Variants in AKAP19 observed in about 807,000 individuals in gnomAD.
AKAP19 encodes small A-kinase anchoring protein.
At chr2:189,945,359 C>T in the AKAP19 span, among the ~76,000 whole-genome samples, 1 of 152,166 alleles carries the variant, frequency 6.6e-6, no homozygotes, top group Admixed American at 6.5e-5. Flanking sequence ...GAATTGGTGC[C>T]TTCTGCCAAG....
At chr2:189,930,722 C>T in the AKAP19 span, 81 of 612,368 alleles carry the variant, frequency 1.3e-4, 1 homozygote, top group South Asian at 1.6e-3. Flanking sequence ...TAAACAAAGT[C>T]CATCATACAG....
At chr2:189,936,628 CAA>C in the AKAP19 span, among the ~76,000 whole-genome samples, 1 of 151,422 alleles carries the variant, frequency 6.6e-6, no homozygotes, top group East Asian at 1.9e-4. Context: ...GATAAAGAAA[CAA>C]ATGTCCACAA....
chr2:190,034,665 C>A, the AKAP19 span, among the ~76,000 whole-genome samples: 1 of 149,940 alleles, frequency 6.7e-6, no homozygotes, highest in Non-Finnish European at 1.5e-5. Context: ...GCCAACATGA[C>A]GAAACCCCAT....
At chr2:189,889,347 T>C in the AKAP19 span, among the ~76,000 whole-genome samples, 8 of 152,356 alleles carry the variant, frequency 5.3e-5, no homozygotes, top group African/African-American at 7.2e-5. Context: ...AGTATTTTAT[T>C]GAGGATTTTC....
the AKAP19 span, chr2:190,200,272 C>A: frequency 3.9e-6 from 3 of 764,120 alleles, no homozygotes; most frequent in Non-Finnish European, 6.5e-6. Flanking sequence ...ACGATAATGT[C>A]ACTATTATAA....
chr2:190,197,306 G>T, the AKAP19 span, among the ~76,000 whole-genome samples: 4 of 152,114 alleles, frequency 2.6e-5, no homozygotes, highest in African/African-American at 9.7e-5. This position sits in a 1 kb window ranked among gnomAD's most constrained non-coding sequence, Gnocchi z 4.0. Context: ...AACTAAATAC[G>T]AAAGTGTTCA....
At chr2:190,201,293 G>C in the AKAP19 span, 1 of 166,708 alleles carries the variant, frequency 6.0e-6, no homozygotes, top group Non-Finnish European at 1.5e-5. Flanking sequence ...TGTTTTAAAG[G>C]ATTAAGTACT....
chr2:190,084,154 A>G, the AKAP19 span, among the ~76,000 whole-genome samples: 173 of 142,224 alleles, frequency 1.2e-3, no homozygotes, highest in African/African-American at 4.2e-3. Context: ...GTGCAGTGGC[A>G]TGGTCTCTGC....
the AKAP19 span, among the ~76,000 whole-genome samples, chr2:190,146,587 A>G: frequency 1.3e-5 from 2 of 152,168 alleles, no homozygotes; most frequent in East Asian, 3.8e-4. Flanking sequence ...ACTCTTTTCC[A>G]TAGCAGCTGT....
the AKAP19 span, chr2:190,062,418 A>G: frequency 6.2e-7 from 1 of 1,613,466 alleles, no homozygotes; most frequent in Non-Finnish European, 8.5e-7. Context: ...TTTACTGAGG[A>G]TTTGTATCTT....
the AKAP19 span, among the ~76,000 whole-genome samples, chr2:190,125,799 A>C: frequency 6.6e-6 from 1 of 152,124 alleles, no homozygotes; most frequent in East Asian, 1.9e-4. Flanking sequence ...CACCATACTT[A>C]ATTAGGTTTT....
At chr2:189,964,309 T>G in the AKAP19 span, among the ~76,000 whole-genome samples, 1 of 152,218 alleles carries the variant, frequency 6.6e-6, no homozygotes, top group Non-Finnish European at 1.5e-5. Flanking sequence ...ACAGATGTAC[T>G]GTTATCAAGG....
chr2:190,053,872 A>C, the AKAP19 span, among the ~76,000 whole-genome samples: 1 of 152,296 alleles, frequency 6.6e-6, no homozygotes, highest in East Asian at 1.9e-4. Context: ...ATATTAACAC[A>C]TAGAATTTTA....
At chr2:190,082,747 T>C in the AKAP19 span, among the ~76,000 whole-genome samples, 2 of 152,228 alleles carry the variant, frequency 1.3e-5, no homozygotes, top group African/African-American at 2.4e-5. Context: ...ACAGAACGTT[T>C]AACTTATCAA....
the AKAP19 span, among the ~76,000 whole-genome samples, chr2:190,093,641 T>G: frequency 6.6e-6 from 1 of 152,168 alleles, no homozygotes; most frequent in Admixed American, 6.5e-5. Context: ...GCTCTCATAT[T>G]TCCCCTTCTT....
chr2:190,117,310 T>C, the AKAP19 span, among the ~76,000 whole-genome samples: 42 of 152,300 alleles, frequency 2.8e-4, no homozygotes, highest in African/African-American at 1.0e-3. Flanking sequence ...TAGGCTACAA[T>C]GGGAATGAAA....
At chr2:190,098,717 C>G in the AKAP19 span, among the ~76,000 whole-genome samples, 1 of 152,192 alleles carries the variant, frequency 6.6e-6, no homozygotes, top group Non-Finnish European at 1.5e-5. Context: ...TATGAAAGTC[C>G]TAGATGTTAT....
At chr2:189,928,026 C>T in the AKAP19 span, among the ~76,000 whole-genome samples, 1 of 152,074 alleles carries the variant, frequency 6.6e-6, no homozygotes, top group Non-Finnish European at 1.5e-5. Flanking sequence ...AATGATTGCG[C>T]AATCAAGTGA....
At chr2:189,978,495 C>A in the AKAP19 span, among the ~76,000 whole-genome samples, 2 of 152,124 alleles carry the variant, frequency 1.3e-5, no homozygotes, top group East Asian at 3.9e-4. Context: ...GTGGTGCATG[C>A]TTGTAGTCCC....
Sources: gnomAD v4.1 joint callset for allele counts (sites outside exome capture counted in the v4.1 genomes callset) on GRCh38, gnomAD v4.1.1 for gene constraint, Gnocchi (gnomAD v3.1) non-coding constraint, MANE v1.5 for transcripts, NCBI Gene and HGNC (gene_info 2026-07-23, HGNC 2026-07-21) for gene names.